The following RARB variants were observed in gnomAD, a reference collection of about 807,000 sequenced individuals.
RARB encodes the protein retinoic acid receptor beta, also known as HBV-activated protein.
A neutral mutation model predicts 51.9 loss-of-function variants in RARB; 17 were observed. The ratio of observed to expected loss-of-function variants is 0.33; its 90% CI spans 0.22 to 0.49. RARB has a LOEUF of 0.49. RARB is among the 20% of genes least tolerant of loss of function. The pLI, the probability that RARB is intolerant of heterozygous loss-of-function variation, is 0.99. For synonymous variants in RARB, 215 were observed against 195.4 expected (o/e 1.10, Z -0.84); for missense variants, 369 against 550.8 (o/e 0.67, Z 3.30).
intron 5 of RARB, among the ~76,000 whole-genome samples, chr3:25,348,178 T>A (rs1424665488): frequency 6.6e-6 from 1 of 152,186 alleles, no homozygotes; most frequent in Non-Finnish European, 1.5e-5. Context: ...CCTTACATTT[T>A]TGACAAATTT....
chr3:25,365,251 C>T (rs1358660428), intron 5 of RARB, among the ~76,000 whole-genome samples: 1 of 122,684 alleles, frequency 8.2e-6, no homozygotes, highest in Non-Finnish European at 1.6e-5. Context: ...GGGATTCTAG[C>T]CAGGAATACA....
At chr3:25,391,473 T>C (rs111860868) in intron 5 of RARB, among the ~76,000 whole-genome samples, 3,081 of 152,282 alleles carry the variant, frequency 0.02, 113 homozygotes, top group African/African-American at 0.07. Context: ...ATCTCCACAC[T>C]GTCTTTCATA....
At chr3:25,541,868 A>G (rs1464015719) in intron 3 of RARB, among the ~76,000 whole-genome samples, 1 of 152,164 alleles carries the variant, frequency 6.6e-6, no homozygotes, top group African/African-American at 2.4e-5. Flanking sequence ...TGTGGTCACC[A>G]CCATGGTACT....
intron 2 of RARB, among the ~76,000 whole-genome samples, chr3:24,968,436 G>T (rs1696325234): frequency 6.6e-6 from 1 of 152,076 alleles, no homozygotes; most frequent in South Asian, 2.1e-4. Context: ...AACCACCTTA[G>T]AAATTAGTGG....
chr3:25,155,482 G>A (rs762180138), intron 4 of RARB, among the ~76,000 whole-genome samples: 6 of 152,096 alleles, frequency 3.9e-5, no homozygotes, highest in Non-Finnish European at 4.4e-5. Flanking sequence ...TAAACTATCC[G>A]TTTATGAAAT....
chr3:25,045,698 C>T (rs1315000546), intron 2 of RARB, among the ~76,000 whole-genome samples: 1 of 152,170 alleles, frequency 6.6e-6, no homozygotes, highest in African/African-American at 2.4e-5. Context: ...CTGTGGAATA[C>T]AAAATTCATT....
chr3:25,445,763 A>G (rs1016148729), intron 1 of RARB, among the ~76,000 whole-genome samples: 3 of 152,236 alleles, frequency 2.0e-5, no homozygotes, highest in African/African-American at 7.2e-5. Flanking sequence ...AGTTCTCTAA[A>G]CAAGAACAAA....
intron 5 of RARB, among the ~76,000 whole-genome samples, chr3:25,256,754 A>T (rs1456974414): frequency 6.6e-6 from 1 of 152,148 alleles, no homozygotes; most frequent in East Asian, 1.9e-4. Context: ...ATTTGGCTAC[A>T]TATAGAGTTC....
intron 1 of RARB, among the ~76,000 whole-genome samples, chr3:24,858,395 A>G (rs960360083): frequency 6.6e-6 from 1 of 152,144 alleles, no homozygotes; most frequent in African/African-American, 2.4e-5. Context: ...ACGTAAGCCC[A>G]CCCCTGAGCC....
intron 5 of RARB, among the ~76,000 whole-genome samples, chr3:25,395,821 G>A (rs1026826799): frequency 5.9e-5 from 9 of 152,108 alleles, no homozygotes; most frequent in Non-Finnish European, 1.5e-5. Context: ...GTCTCCTTGA[G>A]TAGCTTAATA....
At chr3:25,467,076 C>T (rs1695465668) in intron 2 of RARB, among the ~76,000 whole-genome samples, 1 of 152,204 alleles carries the variant, frequency 6.6e-6, no homozygotes, top group South Asian at 2.1e-4. Flanking sequence ...AGCTTTAAGC[C>T]ATGTCTGGTC....
At chr3:25,045,177 C>T (rs148880153) in intron 2 of RARB, among the ~76,000 whole-genome samples, 21 of 152,300 alleles carry the variant, frequency 1.4e-4, no homozygotes, top group African/African-American at 5.1e-4. Context: ...TGCCTTCTTG[C>T]AAAAGCAACT....
At chr3:25,154,306 T>G (rs1375581030) in intron 4 of RARB, among the ~76,000 whole-genome samples, 1 of 152,242 alleles carries the variant, frequency 6.6e-6, no homozygotes, top group Non-Finnish European at 1.5e-5. Flanking sequence ...CTTAGCTTGC[T>G]GAAGGGTACC....
At chr3:25,129,409 C>G (rs759565791) in intron 3 of RARB, among the ~76,000 whole-genome samples, 8 of 151,926 alleles carry the variant, frequency 5.3e-5, no homozygotes, top group Non-Finnish European at 7.4e-5. Flanking sequence ...TTATTTAAAA[C>G]AAAGTTTGGA....
At chr3:24,920,584 G>T (rs1320297023) in intron 2 of RARB, among the ~76,000 whole-genome samples, 1 of 151,726 alleles carries the variant, frequency 6.6e-6, no homozygotes, top group Non-Finnish European at 1.5e-5. Flanking sequence ...AGAGAGTGTG[G>T]CATGGCCTTG....
chr3:24,869,608 C>G (rs1702910010), intron 2 of RARB, among the ~76,000 whole-genome samples: 1 of 152,164 alleles, frequency 6.6e-6, no homozygotes, highest in South Asian at 2.1e-4. Context: ...GTATGAATTT[C>G]TTTTCATTAT....
chr3:25,153,407 G>A (rs1406861118), intron 4 of RARB, among the ~76,000 whole-genome samples: 2 of 152,138 alleles, frequency 1.3e-5, no homozygotes, highest in Non-Finnish European at 2.9e-5. Context: ...GACATGCAGA[G>A]ATAATTTCTT....
chr3:25,242,955 C>T (rs1014461958), intron 5 of RARB, among the ~76,000 whole-genome samples: 5 of 152,074 alleles, frequency 3.3e-5, no homozygotes, highest in Non-Finnish European at 7.4e-5. Flanking sequence ...GAATGTTTTT[C>T]CATTTGTTTG....
At chr3:25,333,870 C>T (rs1479611574) in intron 5 of RARB, among the ~76,000 whole-genome samples, 1 of 152,122 alleles carries the variant, frequency 6.6e-6, no homozygotes, top group Non-Finnish European at 1.5e-5. Flanking sequence ...GGGCAAAGGA[C>T]ATGAACAGAC....
Sources: allele counts gnomAD v4.1 joint callset (sites outside exome capture counted in the v4.1 genomes callset), GRCh38; gene constraint gnomAD v4.1.1; transcripts MANE v1.5; gene names NCBI Gene and HGNC (gene_info 2026-07-23, HGNC 2026-07-21).